Variants in PIK3R5 observed in about 807,000 individuals in gnomAD.
The protein encoded by PIK3R5 is phosphoinositide-3-kinase regulatory subunit 5, also known as phosphoinositide 3-kinase regulatory subunit 5.
Under a neutral mutation model 94.9 loss-of-function variants are expected in PIK3R5, and 32 were observed. The observed-to-expected ratio is 0.34, with a 90% CI of 0.25 to 0.45. The LOEUF is 0.45. Ranked by LOEUF, PIK3R5 falls within the 20% of genes least tolerant of loss-of-function variation. The pLI, the probability that PIK3R5 is intolerant of heterozygous loss-of-function variation, is 1.00. For missense variants in PIK3R5, 853 were observed against 1,144.6 expected (o/e 0.75, Z 3.68); for synonymous variants, 443 against 479.4 (o/e 0.92, Z 0.99).
chr17:8,930,013 C>T (rs2090959591), intron 1 of PIK3R5, among the ~76,000 whole-genome samples: 1 of 152,246 alleles, frequency 6.6e-6, no homozygotes, highest in Admixed American at 6.5e-5. Flanking sequence ...GCATCCTTCT[C>T]TCAACCACTG....
chr17:8,946,502 A>G (rs2151465237), intron 1 of PIK3R5, among the ~76,000 whole-genome samples: 1 of 151,858 alleles, frequency 6.6e-6, no homozygotes, highest in Non-Finnish European at 1.5e-5. Flanking sequence ...ATCCAAGATA[A>G]TCACAGCAAT....
At chr17:8,922,475 A>G (rs2090772519) in intron 1 of PIK3R5, among the ~76,000 whole-genome samples, 1 of 152,128 alleles carries the variant, frequency 6.6e-6, no homozygotes, top group Non-Finnish European at 1.5e-5. Flanking sequence ...CTATGGCCCG[A>G]GCTTGAAGTC....
chr17:8,888,542 G>A lies in PIK3R5; in HGVS notation c.1245C>T (p.Arg415=). Residue 415 remains arginine, a synonymous_variant, in exon 10 of 19, where the codon CGC becomes CGT. Coordinates refer to ENST00000447110, the MANE Select transcript of PIK3R5 (RefSeq NM_001142633.3). This position sits in a 1 kb window ranked among gnomAD's most constrained non-coding sequence, Gnocchi z 7.8. ...TCCTGATGAACTTCTGCCCAGGCCTGCGGTGGCCTCGGCGTTCCTGGCTGC... is the reference window on the plus strand; with the variant it reads ...TCCTGATGAACTTCTGCCCAGGCCTACGGTGGCCTCGGCGTTCCTGGCTGC... ...RRGSQERRGH[R]RPGQKFIRIY... 6.2e-7 allele frequency: 1 copy of A among 1,611,868 alleles called. No homozygotes were observed. Among genetic ancestry groups the A allele is most frequent in the South Asian group, 1.1e-5 (1 of 90,946 alleles).
At position 8,890,971 on chromosome 17, in the gene PIK3R5, C is replaced by T. The variant is rs966485681; in HGVS notation, c.483-59G>A. The T allele has an allele frequency of 6.6e-7, 1 of 1,519,118 alleles. No individual in the cohort carries two copies. The highest frequency in any genetic ancestry group is 8.9e-7 in the Non-Finnish European group (1 of 1,119,808). The allele number at this position is 1,519,118 out of a possible 1,614,324, so 94.1% of individuals were successfully genotyped here. Reference sequence around the variant, plus strand: ...GGGTGCGCAGCATGCCACAGTGCAGCCACCCCCCTCGTGCCTGCTGGTGCT... The same window carrying T: ...GGGTGCGCAGCATGCCACAGTGCAGTCACCCCCCTCGTGCCTGCTGGTGCT... On this transcript the variant is annotated intron_variant, in intron 6 of 18. Coordinates refer to ENST00000447110, the MANE Select transcript of PIK3R5 (RefSeq NM_001142633.3). The surrounding 1 kb of genome is among the most constrained non-coding windows in gnomAD (Gnocchi z 6.1).
In PIK3R5 at chr17:8,924,917, T is replaced by A. The variant is rs372543763; in HGVS notation, c.-13-13410A>T. 1.5e-3 allele frequency among the ~76,000 whole-genome samples: 229 copies of A among 152,322 alleles called. 1 individual carries two copies. The highest frequency in any genetic ancestry group is 5.0e-3 in the African/African-American group (207 of 41,574). On this transcript the variant is annotated intron_variant, in intron 1 of 18. Transcript: ENST00000447110. ...TTAGCCCAGTCTAGAACTCTCTAGA[T>A]CTCTAATGGACAACTTACTATGACA...
intron 1 of PIK3R5, among the ~76,000 whole-genome samples, chr17:8,937,715 C>T (rs575407018): frequency 2.1e-4 from 32 of 152,102 alleles, no homozygotes; most frequent in East Asian, 1.9e-3. Flanking sequence ...TATTTTTGTC[C>T]GGTTTTGGTA....
At chr17:8,891,073 C>T (rs985021434) in intron 6 of PIK3R5, among the ~76,000 whole-genome samples, 161 bp from the exon 7 acceptor site, 6 of 152,234 alleles carry the variant, frequency 3.9e-5, no homozygotes, top group African/African-American at 1.4e-4. Context: ...AGGACAGAAG[C>T]AACAGCTCCA....
At chr17:8,939,026 C>T (rs887861837) in intron 1 of PIK3R5, among the ~76,000 whole-genome samples, 32 of 152,184 alleles carry the variant, frequency 2.1e-4, no homozygotes, top group Admixed American at 5.9e-4. Context: ...GGTGCCACCG[C>T]CATCAGCTAC....
rs1242685084 is a variant in PIK3R5, at chr17:8,893,470, G to A, written c.482+116C>T. ...TGGAAGCCTGTTTGTTGCTGGCTGG[G>A]GTGGACAGGGGGTGGGGGCACTGGA... On this transcript the variant is annotated intron_variant, in intron 6 of 18. Coordinates refer to ENST00000447110, the MANE Select transcript of PIK3R5 (RefSeq NM_001142633.3). This position sits in a 1 kb window ranked among gnomAD's most constrained non-coding sequence, Gnocchi z 5.1. The A allele has an allele frequency of 2.5e-6, 2 of 784,984 alleles. No homozygotes were observed. Among genetic ancestry groups the A allele is most frequent in the Non-Finnish European group, 4.4e-6 (2 of 452,316 alleles). The allele number at this position is 784,984 out of a possible 1,614,324, so 48.6% of individuals were successfully genotyped here.
Position 8,884,391 on chromosome 17 carries a change from G to A in PIK3R5, c.2205+316C>T, listed in dbSNP as rs1450780326. On this transcript the variant is annotated intron_variant, in intron 15 of 18. Coordinates refer to ENST00000447110, the MANE Select transcript of PIK3R5 (RefSeq NM_001142633.3). This position sits in a 1 kb window ranked among gnomAD's most constrained non-coding sequence, Gnocchi z 5.8. ...CCTGGCTTCTCCCTGAGGTGCCTCTGGAAGGCTTCCCTTTCCCCCTTTCAG... is the reference window on the plus strand; with the variant it reads ...CCTGGCTTCTCCCTGAGGTGCCTCTAGAAGGCTTCCCTTTCCCCCTTTCAG... Among the ~76,000 whole-genome samples, 2 of 151,690 alleles carry A rather than the reference G, an allele frequency of 1.3e-5. No individual in the cohort carries two copies. Among genetic ancestry groups the A allele is most frequent in the African/African-American group, 4.8e-5 (2 of 41,278 alleles).
intron 5 of PIK3R5, among the ~76,000 whole-genome samples, chr17:8,900,306 G>A (rs1292691428): frequency 6.6e-6 from 1 of 152,186 alleles, no homozygotes; most frequent in East Asian, 1.9e-4. Context: ...GCTCATCTCA[G>A]TTTCTTGGAT....
chr17:8,905,567 C>G, intron 4 of PIK3R5, 102 bp downstream of exon 4: 1 of 764,088 alleles, frequency 1.3e-6, no homozygotes, highest in African/African-American at 1.8e-5. Context: ...TTGACAGTTT[C>G]TCTCTCTGCT....
intron 1 of PIK3R5, among the ~76,000 whole-genome samples, chr17:8,928,316 G>C (rs962170915): frequency 6.6e-6 from 1 of 152,214 alleles, no homozygotes; most frequent in Admixed American, 6.5e-5. Context: ...AGAGGAGAAA[G>C]AAGGCAGGGC....
chr17:8,893,721 T>C lies in PIK3R5; in HGVS notation c.413-66A>G. The C allele has an allele frequency of 1.6e-6, 2 of 1,257,134 alleles. No individual in the cohort carries two copies. The highest frequency in any genetic ancestry group is 2.3e-6 in the Non-Finnish European group (2 of 858,160). 77.9% of individuals were successfully genotyped at this position (1,257,134 alleles called of 1,614,324 possible). A position where few individuals can be genotyped will look rare whatever the true frequency, so the allele number is the denominator to read the frequency against. ...CCTTCAGCATCGTCCGTGTGCCTCG[T>C]GGGGAGCCAAGCACTGGACAATCAG... On this transcript the variant is annotated intron_variant, in intron 5 of 18. Transcript: ENST00000447110. This position sits in a 1 kb window ranked among gnomAD's most constrained non-coding sequence, Gnocchi z 5.1.
chr17:8,896,275 G>A lies in PIK3R5; in HGVS notation c.413-2620C>T, dbSNP rs1367959939. ...AAGTGGGGTGTGCAATGTCAGTTTC[G>A]AGACCACCCTTAACTCCACCCTCCA... is the stretch of plus-strand genomic sequence containing the variant. On this transcript the variant is annotated intron_variant, in intron 5 of 18. Transcript: ENST00000447110. This position sits in a 1 kb window ranked among gnomAD's most constrained non-coding sequence, Gnocchi z 4.0. Among the ~76,000 whole-genome samples the A allele has an allele frequency of 1.3e-5, 2 of 151,970 alleles. No homozygotes were observed. The highest frequency in any genetic ancestry group is 2.9e-5 in the Non-Finnish European group (2 of 68,000).
chr17:8,916,466 C>G (rs888778320), intron 1 of PIK3R5: 4 of 152,088 alleles, frequency 2.6e-5, no homozygotes, highest in African/African-American at 9.6e-5. Context: ...CAGCTGCTGC[C>G]GGGAATGCCG....
Position 8,881,068 on chromosome 17 carries a change from C to T in PIK3R5, c.2383-51G>A. ...CAAATCCCTGGCCATCCAACACTGC[C>T]AGCCCCTGGCAGTTCCTTTTCTCAG... On this transcript the variant is annotated intron_variant, in intron 17 of 18. Coordinates refer to ENST00000447110, the MANE Select transcript of PIK3R5 (RefSeq NM_001142633.3). The surrounding 1 kb of genome is among the most constrained non-coding windows in gnomAD (Gnocchi z 4.8). The T allele has an allele frequency of 7.5e-7, 1 of 1,325,892 alleles. No individual in the cohort carries two copies. Among genetic ancestry groups the T allele is most frequent in the Non-Finnish European group, 1.1e-6 (1 of 917,038 alleles). 82.1% of individuals were successfully genotyped at this position (1,325,892 alleles called of 1,614,324 possible). A position where few individuals can be genotyped will look rare whatever the true frequency, so the allele number is the denominator to read the frequency against.
chr17:8,899,256 A>G (rs889700918), intron 5 of PIK3R5, among the ~76,000 whole-genome samples: 1 of 152,172 alleles, frequency 6.6e-6, no homozygotes, highest in Non-Finnish European at 1.5e-5. Context: ...TAACAGGCCC[A>G]CTTCCTCTGC....
Position 8,881,697 on chromosome 17 carries a change from G to A in PIK3R5, c.2315C>T (p.Ala772Val). The A allele has an allele frequency of 6.2e-7, 1 of 1,613,922 alleles. No homozygotes were observed. The highest frequency in any genetic ancestry group is 8.5e-7 in the Non-Finnish European group (1 of 1,179,942). ...CACTTCTGTCAGGTTTAGCGTCAGG[G>A]CCTCCATGCTGGAATCTGAGGGGCA... is the stretch of plus-strand genomic sequence containing the variant. Reference protein sequence around the residue: ...KQEELDSSMEALTLNLTEVVK... With the variant: ...KQEELDSSMEVLTLNLTEVVK... Residue 772 changes from alanine (A) to valine (V), a missense_variant, in exon 17 of 19, where the codon GCC (alanine) becomes GTC (valine). Transcript: ENST00000447110. This position sits in a 1 kb window ranked among gnomAD's most constrained non-coding sequence, Gnocchi z 4.8.
Sources: allele counts gnomAD v4.1 joint callset (sites outside exome capture counted in the v4.1 genomes callset), GRCh38; gene constraint gnomAD v4.1.1; non-coding constraint Gnocchi (gnomAD v3.1); transcripts MANE v1.5; gene names NCBI Gene and HGNC (gene_info 2026-07-23, HGNC 2026-07-21).